The following DTNA variants were observed in gnomAD, a reference collection of about 807,000 sequenced individuals.
The protein encoded by DTNA is dystrophin-related protein 3.
Under a neutral mutation model 100.7 loss-of-function variants are expected in DTNA, and 43 were observed. That is an observed-to-expected ratio of 0.43 (90% confidence interval 0.33 to 0.55). The LOEUF is 0.55. DTNA is among the 20% of genes least tolerant of loss of function. The probability of loss-of-function intolerance (pLI) is 0.04; values close to 1 mark genes in which losing one functional copy is unlikely to be tolerated. For synonymous variants in DTNA, 349 were observed against 347.9 expected (o/e 1.00, Z -0.04); for missense variants, 798 against 953.9 (o/e 0.84, Z 2.15).
intron 4 of DTNA, among the ~76,000 whole-genome samples, chr18:34,805,071 A>G (rs868828153): frequency 9.4e-4 from 143 of 152,204 alleles, no homozygotes; most frequent in African/African-American, 3.1e-3. Context: ...TTATTATTTT[A>G]AATAACTCTT....
chr18:34,889,637 T>C lies in DTNA; in HGVS notation c.*1903T>C. 1 of 985,632 alleles carries C rather than the reference T, an allele frequency of 1.0e-6. No individual in the cohort carries two copies. Among genetic ancestry groups the C allele is most frequent in the South Asian group, 4.7e-5 (1 of 21,280 alleles). 61.1% of individuals were successfully genotyped at this position (985,632 alleles called of 1,614,324 possible). A position where few individuals can be genotyped will look rare whatever the true frequency, so the allele number is the denominator to read the frequency against. ...ACGATGTTCACATGTCTGCGTTTGG[T>C]CAGACATCATCTCCTTGGCTGCCCT... is the stretch of plus-strand genomic sequence containing the variant. On this transcript the variant is annotated 3_prime_UTR_variant, in exon 23 of 23. Coordinates refer to ENST00000444659, the MANE Select transcript of DTNA (RefSeq NM_001386795.1).
At chr18:34,605,880 T>C (rs1324744737) in intron 1 of DTNA, among the ~76,000 whole-genome samples, 2 of 152,174 alleles carry the variant, frequency 1.3e-5, no homozygotes, top group Non-Finnish European at 2.9e-5. Flanking sequence ...CTTCACATGG[T>C]TAAATTCCAA....
intron 1 of DTNA, among the ~76,000 whole-genome samples, chr18:34,679,873 G>A (rs564720439): frequency 4.6e-4 from 70 of 152,032 alleles, no homozygotes; most frequent in South Asian, 2.1e-3. Flanking sequence ...TGTCTTGACC[G>A]TCACTTCCCA....
intron 3 of DTNA, among the ~76,000 whole-genome samples, chr18:34,778,253 A>G (rs965681830): frequency 1.3e-5 from 2 of 152,204 alleles, no homozygotes; most frequent in Non-Finnish European, 2.9e-5. Context: ...AAATATAAAT[A>G]TCAAAAATAA....
chr18:34,616,787 A>C (rs12956565), intron 1 of DTNA, among the ~76,000 whole-genome samples: 1 of 152,112 alleles, frequency 6.6e-6, no homozygotes, highest in African/African-American at 2.4e-5. Flanking sequence ...CGTTTGTGTC[A>C]TCTGTGATTT....
intron 1 of DTNA, among the ~76,000 whole-genome samples, chr18:34,667,288 T>C (rs1372186007): frequency 1.3e-5 from 2 of 152,232 alleles, no homozygotes; most frequent in Non-Finnish European, 2.9e-5. Flanking sequence ...CCTGAGACTT[T>C]GCTGAAGTTG....
At chr18:34,841,305 C>T (rs2096264045) in intron 13 of DTNA, among the ~76,000 whole-genome samples, 2 of 152,172 alleles carry the variant, frequency 1.3e-5, no homozygotes, top group South Asian at 4.1e-4. Flanking sequence ...ATGCCTCCTT[C>T]ACACTGCATC....
intron 1 of DTNA, among the ~76,000 whole-genome samples, chr18:34,754,060 A>G (rs2092601774): frequency 6.6e-6 from 1 of 152,198 alleles, no homozygotes; most frequent in African/African-American, 2.4e-5. Context: ...AGTCCCTGGT[A>G]TATTATCTAA....
intron 3 of DTNA, among the ~76,000 whole-genome samples, chr18:34,768,044 C>T (rs1406767380): frequency 6.6e-6 from 1 of 152,132 alleles, no homozygotes; most frequent in Non-Finnish European, 1.5e-5. Context: ...AAGAAGTTTC[C>T]TCTTCCCCTT....
At chr18:34,607,596 C>A (rs2053396519) in intron 1 of DTNA, among the ~76,000 whole-genome samples, 1 of 152,086 alleles carries the variant, frequency 6.6e-6, no homozygotes, top group Non-Finnish European at 1.5e-5. Flanking sequence ...TAGTTTCAGC[C>A]CTTCCCCAAT....
At chr18:34,523,539 A>G (rs2042335384) in intron 1 of DTNA, among the ~76,000 whole-genome samples, 1 of 152,180 alleles carries the variant, frequency 6.6e-6, no homozygotes, top group Non-Finnish European at 1.5e-5. Context: ...ACCTCTCACA[A>G]ACCCTACATA....
chr18:34,587,990 G>T (rs1391893973), intron 1 of DTNA, among the ~76,000 whole-genome samples: 1 of 152,086 alleles, frequency 6.6e-6, no homozygotes. Flanking sequence ...AACTGAGAGA[G>T]ACACAGGGAA....
Position 34,889,120 on chromosome 18 carries a change from C to G in DTNA, c.*1386C>G, listed in dbSNP as rs1427576627. 1 of 973,660 alleles carries G rather than the reference C, an allele frequency of 1.0e-6. No individual in the cohort carries two copies. Among genetic ancestry groups the G allele is most frequent in the Non-Finnish European group, 1.2e-6 (1 of 828,338 alleles). 60.3% of individuals were successfully genotyped at this position (973,660 alleles called of 1,614,324 possible). ...AGAAAAAGTAATCTTCTACTTGCTTCAAGATTTGATTTTTTTAAAAAAGCC... is the reference window on the plus strand; with the variant it reads ...AGAAAAAGTAATCTTCTACTTGCTTGAAGATTTGATTTTTTTAAAAAAGCC... On this transcript the variant is annotated 3_prime_UTR_variant, in exon 23 of 23. Coordinates refer to ENST00000444659, the MANE Select transcript of DTNA (RefSeq NM_001386795.1).
chr18:34,809,230 G>T (rs2095431982), intron 5 of DTNA, among the ~76,000 whole-genome samples: 1 of 152,166 alleles, frequency 6.6e-6, no homozygotes, highest in Non-Finnish European at 1.5e-5. Context: ...ACCAGTGGCT[G>T]CCCCTTGGTG....
chr18:34,772,289 T>C (rs893512486), intron 3 of DTNA, among the ~76,000 whole-genome samples: 2 of 152,216 alleles, frequency 1.3e-5, no homozygotes, highest in African/African-American at 4.8e-5. Flanking sequence ...TTTCTAGTAA[T>C]TGAAATATTT....
chr18:34,670,821 A>C (rs2076641643), intron 1 of DTNA, among the ~76,000 whole-genome samples: 1 of 152,218 alleles, frequency 6.6e-6, no homozygotes, highest in African/African-American at 2.4e-5. Flanking sequence ...GTGAGGTGTC[A>C]GTCTGCCCCT....
At chr18:34,775,321 C>T (rs759844920) in intron 3 of DTNA, among the ~76,000 whole-genome samples, 3 of 151,930 alleles carry the variant, frequency 2.0e-5, no homozygotes, top group Non-Finnish European at 4.4e-5. Context: ...CCCGTCTCTA[C>T]TAAAAATACA....
rs951946958 is a variant in DTNA, at chr18:34,890,886, C to A, written c.*3152C>A. 2 of 157,718 alleles carry A rather than the reference C, an allele frequency of 1.3e-5. No individual in the cohort carries two copies. The highest frequency in any genetic ancestry group is 2.4e-5 in the African/African-American group (1 of 41,504). 9.8% of individuals were successfully genotyped at this position (157,718 alleles called of 1,614,324 possible). ...CAAACTGTTGCATCATAATTTAGCA[C>A]TGATGTCTGCTTTTATTTTGATCAT... is the stretch of plus-strand genomic sequence containing the variant. On this transcript the variant is annotated 3_prime_UTR_variant, in exon 23 of 23. Coordinates refer to ENST00000444659, the MANE Select transcript of DTNA (RefSeq NM_001386795.1).
At chr18:34,657,067 A>C (rs935972053) in intron 1 of DTNA, among the ~76,000 whole-genome samples, 2 of 152,030 alleles carry the variant, frequency 1.3e-5, no homozygotes, top group South Asian at 4.1e-4. Context: ...CAGTAGAGAC[A>C]AGGTTTCATC....
Sources: gnomAD v4.1 joint callset for allele counts (sites outside exome capture counted in the v4.1 genomes callset) on GRCh38, gnomAD v4.1.1 for gene constraint, MANE v1.5 for transcripts, NCBI Gene and HGNC (gene_info 2026-07-23, HGNC 2026-07-21) for gene names.